ADAT1: variants seen among roughly 807,000 people sequenced by gnomAD.
ADAT1 encodes the protein adenosine deaminase tRNA specific 1, also known as tRNA-specific adenosine deaminase 1.
In ADAT1, 58 loss-of-function variants were observed where a neutral mutation model predicts 58.6. The ratio of observed to expected loss-of-function variants is 0.99; its 90% CI spans 0.80 to 1.23. The LOEUF (loss-of-function observed/expected upper bound fraction) is 1.23. ADAT1 is among the 50% of genes most tolerant of loss of function. ADAT1 has a pLI of 0.00. For synonymous variants in ADAT1, 254 were observed against 220.8 expected (o/e 1.15, Z -1.33); for missense variants, 741 against 608.6 (o/e 1.22, Z -2.29).
intron 6 of ADAT1, among the ~76,000 whole-genome samples, chr16:75,611,218 CAAAG>C (rs1300053224): frequency 1.3e-5 from 2 of 152,012 alleles, no homozygotes; most frequent in East Asian, 3.9e-4. Flanking sequence ...ATATTAAAAA[CAAAG>C]AAGAAAAAAA....
chr16:75,600,237 C>T lies in ADAT1; in HGVS notation c.1488G>A (p.Pro496=), dbSNP rs749183266. The T allele has an allele frequency of 1.4e-5, 22 of 1,614,030 alleles. No homozygotes were observed. The highest frequency in any genetic ancestry group is 3.3e-5 in the Admixed American group (2 of 60,000). Residue 496 remains proline (P), a synonymous_variant, in exon 10 of 10, where the codon CCG becomes CCA. Coordinates refer to ENST00000564657, the MANE Select transcript of ADAT1 (RefSeq NM_001324445.2). ...CTTCTCACTTGAACTGGTGATAATC[C>T]GGTGGGTTTCTGATCCAGGATCCAA... ...QVFGSWIRNP[P]DYHQFK
At chr16:75,605,707 G>A (rs1032516939) in intron 8 of ADAT1, among the ~76,000 whole-genome samples, 4 of 151,712 alleles carry the variant, frequency 2.6e-5, no homozygotes, top group South Asian at 4.2e-4. Flanking sequence ...AGGCTGAGGC[G>A]GGTGGATCAC....
At chr16:75,618,796 A>C (rs1403174559) in intron 3 of ADAT1, 156 bp from the exon 4 acceptor site, 7 of 824,630 alleles carry the variant, frequency 8.5e-6, no homozygotes, top group Non-Finnish European at 1.3e-5. Flanking sequence ...ATAACAATGC[A>C]TCAGGTGCAG....
intron 8 of ADAT1, 76 bp downstream of exon 8, chr16:75,608,148 A>G (rs1381363331): frequency 1.5e-6 from 2 of 1,307,082 alleles, no homozygotes; most frequent in South Asian, 2.4e-5. Context: ...TTGGGGTAAT[A>G]AAAATGTTCT....
intron 6 of ADAT1, 86 bp downstream of exon 6, chr16:75,612,157 T>A: frequency 7.1e-7 from 1 of 1,410,470 alleles, no homozygotes; most frequent in Middle Eastern, 2.5e-4. Flanking sequence ...GATCAAAAGG[T>A]ATGGAGATTC....
At chr16:75,602,474 C>T (rs1041798047) in intron 9 of ADAT1, among the ~76,000 whole-genome samples, 6 of 152,134 alleles carry the variant, frequency 3.9e-5, no homozygotes, top group African/African-American at 4.8e-5. Context: ...AATGACTGAA[C>T]GTGAAGGGGA....
Position 75,599,203 on chromosome 16 carries a change from TC to T in ADAT1, c.*1012del, listed in dbSNP as rs751602421. The T allele has an allele frequency of 7.0e-5, 62 of 881,128 alleles. No individual in the cohort carries two copies. The highest frequency in any genetic ancestry group is 8.4e-5 in the Non-Finnish European group (62 of 737,952). 54.6% of individuals were successfully genotyped at this position (881,128 alleles called of 1,614,324 possible). ...TTCAAGCAATTCTCCTGCCTCAGCC[TC>T]CCGAGTAGCTAGGATTACAGGTGTG... On this transcript the variant is annotated 3_prime_UTR_variant, in exon 10 of 10. Coordinates refer to ENST00000564657, the MANE Select transcript of ADAT1 (RefSeq NM_001324445.2).
rs780422346 is a variant in ADAT1, at chr16:75,603,089, G to T, written c.1372C>A (p.Leu458Ile). ...RIARDKWPHS[L>I]RVQKLDTYQE... ...AACATAGGTCAACAGCATCACCTGAGGGAGTGTGGCCACTTGTCCCTTGCA... is the reference window on the plus strand; with the variant it reads ...AACATAGGTCAACAGCATCACCTGATGGAGTGTGGCCACTTGTCCCTTGCA... Residue 458 changes from leucine to isoleucine, a missense_variant, in exon 9 of 10, where the codon CTC (leucine) becomes ATC (isoleucine). By Grantham distance (5) the Leu-to-Ile change is conservative (BLOSUM62 2). Transcript: ENST00000564657. 3 of 1,613,600 alleles carry T rather than the reference G, an allele frequency of 1.9e-6. No homozygotes were observed. Among genetic ancestry groups the T allele is most frequent in the Middle Eastern group, 1.6e-4 (1 of 6,062 alleles).
In ADAT1 at chr16:75,600,431, G is replaced by A. The variant is rs1236039005; in HGVS notation, c.1377-83C>T. On this transcript the variant is annotated intron_variant, in intron 9 of 9. Coordinates refer to ENST00000564657, the MANE Select transcript of ADAT1 (RefSeq NM_001324445.2). ...CCACCAGACACCTGAGCAAGCAACT[G>A]GACAGACTTGTAATGAGACTTAGGT... 1.9e-6 allele frequency: 3 copies of A among 1,567,730 alleles called. No homozygotes were observed. In the East Asian group the frequency reaches 6.8e-5, roughly 35 times the overall value.
intron 2 of ADAT1, 147 bp downstream of exon 2, chr16:75,620,482 CAG>C (rs1201201421): frequency 1.7e-5 from 23 of 1,384,916 alleles, no homozygotes; most frequent in Non-Finnish European, 2.2e-5. Flanking sequence ...CTCCCGCCAT[CAG>C]AGGTACTGCG....
intron 8 of ADAT1, 32 bp from the exon 9 acceptor site, chr16:75,603,203 T>C: frequency 2.5e-6 from 4 of 1,583,732 alleles, no homozygotes; most frequent in Non-Finnish European, 2.6e-6. Context: ...AGATGATTTA[T>C]TAAGTGTTTA....
In ADAT1 at chr16:75,609,075, G is replaced by A. The variant is rs917437882; in HGVS notation, c.1044-87C>T. 3 of 1,470,168 alleles carry A rather than the reference G, an allele frequency of 2.0e-6. No individual in the cohort carries two copies. The African/African-American group carries it at 4.3e-5, about 21-fold the overall frequency. The allele number at this position is 1,470,168 out of a possible 1,614,324, so 91.1% of individuals were successfully genotyped here. On this transcript the variant is annotated intron_variant, in intron 6 of 9. Coordinates refer to ENST00000564657, the MANE Select transcript of ADAT1 (RefSeq NM_001324445.2). ...TTGTGGCTCACATCATCACCCCTGA[G>A]CCTTAGCAGGTGTGGGGATTTGTTT... is the stretch of plus-strand genomic sequence containing the variant.
chr16:75,615,480 TAAAAAAAAAAAAAAAAAAAA>T (rs56149357), intron 5 of ADAT1, among the ~76,000 whole-genome samples: 19 of 32,944 alleles, frequency 5.8e-4, no homozygotes, highest in African/African-American at 1.4e-3. Context: ...GTTGATGAGC[TAAAAAAAAAAAAAAAAAAAA>T]AAAAAAAAAA....
intron 5 of ADAT1, among the ~76,000 whole-genome samples, chr16:75,614,166 G>T (rs192861172): frequency 1.0e-3 from 154 of 152,202 alleles, no homozygotes; most frequent in African/African-American, 3.5e-3. Context: ...CTCCAGCCTG[G>T]GTGACAGAGG....
At chr16:75,618,937 AC>A (rs2081838101) in intron 3 of ADAT1, among the ~76,000 whole-genome samples, 1 of 151,952 alleles carries the variant, frequency 6.6e-6, no homozygotes, top group Non-Finnish European at 1.5e-5. Context: ...TGACACTAGC[AC>A]CCCTCCCTCA....
intron 3 of ADAT1, among the ~76,000 whole-genome samples, chr16:75,619,454 T>C (rs2081857042): frequency 6.6e-6 from 1 of 152,048 alleles, no homozygotes; most frequent in Non-Finnish European, 1.5e-5. Flanking sequence ...GGAGGATCAC[T>C]TGAGCCCAGG....
In ADAT1 at chr16:75,599,901, C is replaced by G; in HGVS notation, c.*315G>C. 4.7e-6 allele frequency: 5 copies of G among 1,065,788 alleles called. No individual in the cohort carries two copies. The highest frequency in any genetic ancestry group is 4.5e-6 in the Non-Finnish European group (4 of 881,220). 66.0% of individuals were successfully genotyped at this position (1,065,788 alleles called of 1,614,324 possible). On this transcript the variant is annotated 3_prime_UTR_variant, in exon 10 of 10. Coordinates refer to ENST00000564657, the MANE Select transcript of ADAT1 (RefSeq NM_001324445.2). ...AATATTTGCTGAATCAATGTAGGAACCCATAAAACAGAGCTGCTGCAGAGT... is the reference window on the plus strand; with the variant it reads ...AATATTTGCTGAATCAATGTAGGAAGCCATAAAACAGAGCTGCTGCAGAGT...
chr16:75,612,468 T>C lies in ADAT1; in HGVS notation c.818A>G (p.Lys273Arg). ...CVPGEAGDSG[K>R]PGAAFHQVGL... ...CACCTGGTGAAACGCAGCACCCGGC[T>C]TTCCGGAGTCTCCAGCTTCTCCAGG... Residue 273 changes from lysine (K) to arginine (R), a missense_variant, in exon 6 of 10, where the codon AAG (lysine) becomes AGG (arginine). Physicochemically the swap from Lys to Arg is conservative, Grantham distance 26. Coordinates refer to ENST00000564657, the MANE Select transcript of ADAT1 (RefSeq NM_001324445.2). 1 of 1,614,170 alleles carries C rather than the reference T, an allele frequency of 6.2e-7. No homozygotes were observed. The highest frequency in any genetic ancestry group is 8.5e-7 in the Non-Finnish European group (1 of 1,180,028).
At chr16:75,615,625 G>C (rs565555908) in intron 5 of ADAT1, among the ~76,000 whole-genome samples, 24 of 151,224 alleles carry the variant, frequency 1.6e-4, no homozygotes, top group Non-Finnish European at 3.5e-4. Context: ...GGTTAGACAA[G>C]TTTGGATTAG....
Sources: gnomAD v4.1 joint callset for allele counts (sites outside exome capture counted in the v4.1 genomes callset) on GRCh38, gnomAD v4.1.1 for gene constraint, MANE v1.5 for transcripts, NCBI Gene and HGNC (gene_info 2026-07-23, HGNC 2026-07-21) for gene names.